Variants in RAP1A observed in about 807,000 individuals in gnomAD.
RAP1A encodes the protein RAP1A, member of RAS oncogene family.
A neutral mutation model predicts 26.4 loss-of-function variants in RAP1A; 6 were observed. The observed-to-expected ratio is 0.23, with a 90% CI of 0.12 to 0.45. The LOEUF (loss-of-function observed/expected upper bound fraction) is 0.45, where lower values mean the gene tolerates loss of function less well. RAP1A is among the 20% of genes least tolerant of loss of function. The pLI is 0.99. For synonymous variants in RAP1A, 73 were observed against 79.4 expected (o/e 0.92, Z 0.43); for missense variants, 121 against 217.2 (o/e 0.56, Z 2.78).
chr1:111,567,924 C>T (rs924984150), intron 1 of RAP1A, among the ~76,000 whole-genome samples: 1 of 152,182 alleles, frequency 6.6e-6, no homozygotes, highest in Non-Finnish European at 1.5e-5. Context: ...GTCTGTGGTA[C>T]TTTGTTGTGG....
intron 1 of RAP1A, among the ~76,000 whole-genome samples, chr1:111,684,204 C>T (rs1661394777): frequency 6.6e-6 from 1 of 152,160 alleles, no homozygotes; most frequent in Non-Finnish European, 1.5e-5. Context: ...CAGCCAGTAT[C>T]ATACTGAATG....
chr1:111,648,790 G>T, intron 1 of RAP1A: 1 of 648,154 alleles, frequency 1.5e-6, no homozygotes, highest in Non-Finnish European at 2.9e-6. Context: ...TCTAGCTCCT[G>T]TCGATTCTTT....
intron 1 of RAP1A, among the ~76,000 whole-genome samples, chr1:111,552,482 T>G (rs1464123853): frequency 6.6e-6 from 1 of 152,246 alleles, no homozygotes; most frequent in African/African-American, 2.4e-5. Context: ...TTGGCAAATT[T>G]GTAGTTGCTT....
At chr1:111,612,065 T>G (rs1658935228) in intron 1 of RAP1A, among the ~76,000 whole-genome samples, 1 of 151,554 alleles carries the variant, frequency 6.6e-6, no homozygotes. Flanking sequence ...TCTACAAAAC[T>G]AGGCTTCTGG....
intron 1 of RAP1A, among the ~76,000 whole-genome samples, chr1:111,557,043 A>G (rs1034499398): frequency 1.3e-5 from 2 of 152,142 alleles, no homozygotes; most frequent in Non-Finnish European, 2.9e-5. Flanking sequence ...AAACAAATAC[A>G]TATCTAGACA....
At chr1:111,690,442 C>A (rs1661634492) in intron 1 of RAP1A, among the ~76,000 whole-genome samples, 1 of 152,244 alleles carries the variant, frequency 6.6e-6, no homozygotes, top group Non-Finnish European at 1.5e-5. Context: ...CTTCTCTGGC[C>A]CACTTCCAAG....
chr1:111,604,820 TG>T (rs1438657459), intron 1 of RAP1A: 11 of 152,242 alleles, frequency 7.2e-5, no homozygotes, highest in African/African-American at 2.7e-4. Flanking sequence ...CTTTGAAGCC[TG>T]GGGTCTGCTG....
intron 1 of RAP1A, among the ~76,000 whole-genome samples, chr1:111,597,828 G>A (rs1658589775): frequency 6.6e-6 from 1 of 152,136 alleles, no homozygotes; most frequent in Non-Finnish European, 1.5e-5. Flanking sequence ...AGACTTGGAG[G>A]CTCATTTGAA....
At chr1:111,699,071 C>G (rs1346313617) in intron 4 of RAP1A, among the ~76,000 whole-genome samples, 1 of 152,046 alleles carries the variant, frequency 6.6e-6, no homozygotes, top group African/African-American at 2.4e-5. Context: ...TGTCTCCCAT[C>G]TAGCACTCAA....
intron 1 of RAP1A, among the ~76,000 whole-genome samples, chr1:111,648,137 C>T (rs1172381865): frequency 6.7e-6 from 1 of 149,884 alleles, no homozygotes; most frequent in East Asian, 1.9e-4. Flanking sequence ...GTGGCACAAT[C>T]TTGGCTCACT....
At chr1:111,673,393 C>T (rs1661032404) in intron 1 of RAP1A, among the ~76,000 whole-genome samples, 1 of 152,110 alleles carries the variant, frequency 6.6e-6, no homozygotes, top group South Asian at 2.1e-4. Context: ...AAGTTCAGTT[C>T]TACAGGAGAA....
intron 1 of RAP1A, among the ~76,000 whole-genome samples, chr1:111,565,676 C>T (rs373679480): frequency 6.6e-6 from 1 of 152,020 alleles, no homozygotes; most frequent in African/African-American, 2.4e-5. Flanking sequence ...AGCATTTTTC[C>T]TTTAAATTCA....
At chr1:111,675,530 G>T (rs1262883432) in intron 1 of RAP1A, among the ~76,000 whole-genome samples, 1 of 152,048 alleles carries the variant, frequency 6.6e-6, no homozygotes, top group Non-Finnish European at 1.5e-5. Flanking sequence ...TCCTTCCCTA[G>T]CCCATTAATT....
At chr1:111,691,470 A>G (rs1397198656) in intron 2 of RAP1A, 53 bp downstream of exon 2, 2 of 1,508,290 alleles carry the variant, frequency 1.3e-6, no homozygotes, top group Non-Finnish European at 1.8e-6. Context: ...AAGAATTTTG[A>G]CATTTCCTTG....
chr1:111,649,180 C>T (rs768995743), intron 1 of RAP1A: 26 of 533,014 alleles, frequency 4.9e-5, no homozygotes, highest in African/African-American at 1.5e-4. Flanking sequence ...CTCACGTCCT[C>T]GATGGTCTTG....
At chr1:111,648,281 G>T in intron 1 of RAP1A, 2 of 977,626 alleles carry the variant, frequency 2.0e-6, no homozygotes, top group South Asian at 1.3e-5. Flanking sequence ...CCCTGCTTCT[G>T]CTGGCTTAAT....
chr1:111,599,463 C>T (rs1335355685), intron 1 of RAP1A, among the ~76,000 whole-genome samples: 1 of 152,164 alleles, frequency 6.6e-6, no homozygotes, highest in Non-Finnish European at 1.5e-5. Flanking sequence ...CCTCAGCCTC[C>T]CAAAGTGCTA....
At chr1:111,648,925 C>T (rs1660168703) in intron 1 of RAP1A, 2 of 727,120 alleles carry the variant, frequency 2.8e-6, no homozygotes, top group Non-Finnish European at 2.5e-6. Flanking sequence ...TTTACTTCCC[C>T]TTTATGGTTC....
intron 1 of RAP1A, among the ~76,000 whole-genome samples, chr1:111,677,448 A>AT (rs936261975): frequency 6.6e-6 from 1 of 152,026 alleles, no homozygotes; most frequent in African/African-American, 2.4e-5. Context: ...AACAATAATC[A>AT]TTTTTTTTCT....
Sources: gnomAD v4.1 joint callset for allele counts (sites outside exome capture counted in the v4.1 genomes callset) on GRCh38, gnomAD v4.1.1 for gene constraint, MANE v1.5 for transcripts, NCBI Gene and HGNC (gene_info 2026-07-23, HGNC 2026-07-21) for gene names.